The following CFAP97D2 variants were observed in gnomAD, a reference collection of about 807,000 sequenced individuals.
CFAP97D2 encodes uncharacterized protein CFAP97D2.
chr13:114,183,965 T>C (rs2080846205), intron 1 of CFAP97D2, among the ~76,000 whole-genome samples: 1 of 152,038 alleles, frequency 6.6e-6, no homozygotes, highest in Admixed American at 6.5e-5. Context: ...CCTGACAACA[T>C]AGCGAGACAC....
intron 3 of CFAP97D2, among the ~76,000 whole-genome samples, chr13:114,206,172 C>T (rs1465700853): frequency 1.3e-5 from 2 of 150,464 alleles, no homozygotes; most frequent in African/African-American, 4.9e-5. Context: ...GGCACAATCT[C>T]GGCTCACTGC....
At chr13:114,209,363 AC>A (rs2080956343) in intron 3 of CFAP97D2, among the ~76,000 whole-genome samples, 1 of 152,208 alleles carries the variant, frequency 6.6e-6, no homozygotes, top group Non-Finnish European at 1.5e-5. Flanking sequence ...CTCATAGAAG[AC>A]CAGATAATAA....
At chr13:114,212,362 T>C (rs186995106) in intron 4 of CFAP97D2, 111 of 300,264 alleles carry the variant, frequency 3.7e-4, no homozygotes, top group African/African-American at 2.3e-3. Context: ...TGATTGTAGA[T>C]TGTGAGAGAA....
chr13:114,211,820 C>T lies in CFAP97D2; in HGVS notation c.291-92C>T, dbSNP rs576988723. On this transcript the variant is annotated intron_variant, in intron 3 of 4. Coordinates refer to ENST00000646158, the Ensembl canonical transcript of CFAP97D2. The surrounding 1 kb of genome is among the most constrained non-coding windows in gnomAD (Gnocchi z 4.2). Reference sequence around the variant, plus strand: ...GCAGGAGCAACCCTCCACCCCGGGACCCCTTCCTGCTCTGGAGCCTGTTGG... The same window carrying T: ...GCAGGAGCAACCCTCCACCCCGGGATCCCTTCCTGCTCTGGAGCCTGTTGG... 3.8e-4 allele frequency: 150 copies of T among 397,906 alleles called. 2 individuals carry two copies. The South Asian group carries it at 0.02, about 54-fold the overall frequency. 24.6% of individuals were successfully genotyped at this position (397,906 alleles called of 1,614,324 possible). A position where few individuals can be genotyped will look rare whatever the true frequency, so the allele number is the denominator to read the frequency against.
chr13:114,198,332 T>C (rs779494105), intron 2 of CFAP97D2, among the ~76,000 whole-genome samples: 26 of 152,332 alleles, frequency 1.7e-4, no homozygotes, highest in Non-Finnish European at 3.2e-4. Context: ...GGTGTTAAAA[T>C]GGGCTGAACT....
intron 2 of CFAP97D2, among the ~76,000 whole-genome samples, chr13:114,198,690 G>T (rs2080899785): frequency 9.3e-6 from 1 of 107,574 alleles, no homozygotes; most frequent in Non-Finnish European, 1.9e-5. Context: ...GTGGGTCCCC[G>T]TGCGTACGGT....
intron 4 of CFAP97D2, among the ~76,000 whole-genome samples, chr13:114,218,851 C>T (rs1275385974): frequency 6.6e-6 from 1 of 152,176 alleles, no homozygotes; most frequent in Non-Finnish European, 1.5e-5. Context: ...TGGATCCCTT[C>T]CTTACACCTT....
intron 4 of CFAP97D2, among the ~76,000 whole-genome samples, chr13:114,221,577 A>G (rs1458116783): frequency 6.6e-6 from 1 of 152,232 alleles, no homozygotes; most frequent in Non-Finnish European, 1.5e-5. Context: ...CTTGTCTGCA[A>G]TCAAAAGGTA....
chr13:114,218,793 A>T (rs531348773), intron 4 of CFAP97D2, among the ~76,000 whole-genome samples: 104 of 152,374 alleles, frequency 6.8e-4, no homozygotes, highest in Non-Finnish European at 1.3e-3. Context: ...TCCCTATTTA[A>T]TAAATGGTGC....
intron 3 of CFAP97D2, among the ~76,000 whole-genome samples, chr13:114,206,614 A>C (rs1028759791): frequency 2.6e-5 from 4 of 152,244 alleles, no homozygotes; most frequent in African/African-American, 9.6e-5. Flanking sequence ...ATATGAAACA[A>C]ATCTATAGAA....
At chr13:114,214,372 A>T (rs59615468) in intron 4 of CFAP97D2, 11,667 of 152,240 alleles carry the variant, frequency 0.077, 807 homozygotes, top group East Asian at 0.35. Flanking sequence ...TTTACATTGA[A>T]ATTTTAAACA....
At chr13:114,216,193 G>A (rs2080992496) in intron 4 of CFAP97D2, among the ~76,000 whole-genome samples, 1 of 152,282 alleles carries the variant, frequency 6.6e-6, no homozygotes, top group East Asian at 1.9e-4. Flanking sequence ...GTCTGTGTCT[G>A]CGACACTCCT....
intron 3 of CFAP97D2, among the ~76,000 whole-genome samples, chr13:114,209,076 C>T (rs2080954594): frequency 1.3e-5 from 2 of 152,092 alleles, no homozygotes; most frequent in Non-Finnish European, 2.9e-5. Context: ...AGCCAGCTAC[C>T]GATTACTCAT....
chr13:114,197,478 G>T (rs73572918), intron 2 of CFAP97D2, among the ~76,000 whole-genome samples: 1 of 152,054 alleles, frequency 6.6e-6, no homozygotes, highest in Non-Finnish European at 1.5e-5. Flanking sequence ...ACTTAGGAAT[G>T]CCCTTGGCCA....
chr13:114,201,034 C>G (rs2080915855), intron 3 of CFAP97D2, among the ~76,000 whole-genome samples: 2 of 152,204 alleles, frequency 1.3e-5, no homozygotes, highest in Admixed American at 1.3e-4. Context: ...ACTGCTCTTT[C>G]ATAACCTCAC....
At chr13:114,194,701 G>A (rs2080879831) in intron 1 of CFAP97D2, among the ~76,000 whole-genome samples, 1 of 146,010 alleles carries the variant, frequency 6.8e-6, no homozygotes, top group African/African-American at 2.6e-5. Context: ...TTACCAACTG[G>A]CATTTTGCTG....
In CFAP97D2 at chr13:114,207,458, A is replaced by T. The variant is rs2080946237; in HGVS notation, c.291-4454A>T. 6.6e-6 allele frequency among the ~76,000 whole-genome samples: 1 copy of T among 152,088 alleles called. No individual in the cohort carries two copies. The highest frequency in any genetic ancestry group is 2.1e-4 in the South Asian group (1 of 4,814). On this transcript the variant is annotated intron_variant, in intron 3 of 4. Transcript: ENST00000646158. This position sits in a 1 kb window ranked among gnomAD's most constrained non-coding sequence, Gnocchi z 4.9. ...ATCTAGGGATCGTGTGGAGACAGTG[A>T]CAGATCATCAGGCATTAGATTTTCA...
At chr13:114,209,876 A>G (rs992342903) in intron 3 of CFAP97D2, among the ~76,000 whole-genome samples, 2 of 152,232 alleles carry the variant, frequency 1.3e-5, no homozygotes, top group Non-Finnish European at 2.9e-5. Flanking sequence ...TACTCAGTAA[A>G]TATTTGTTGA....
At chr13:114,182,621 AT>A (rs1218774299) in intron 1 of CFAP97D2, among the ~76,000 whole-genome samples, 3 of 152,076 alleles carry the variant, frequency 2.0e-5, no homozygotes, top group African/African-American at 7.2e-5. Flanking sequence ...TCTGCAGTGC[AT>A]TGTGCCCCTG....
Sources: allele counts gnomAD v4.1 joint callset (sites outside exome capture counted in the v4.1 genomes callset), GRCh38; gene constraint gnomAD v4.1.1; non-coding constraint Gnocchi (gnomAD v3.1); transcripts MANE v1.5; gene names NCBI Gene and HGNC (gene_info 2026-07-23, HGNC 2026-07-21).